Variants in TTC28 observed in about 807,000 individuals in gnomAD.
TTC28 encodes the protein tetratricopeptide repeat protein 28.
TTC28 carries 61 observed loss-of-function variants against 198.0 expected under a neutral mutation model. The observed-to-expected ratio is 0.31, with a 90% CI of 0.25 to 0.38. The LOEUF (loss-of-function observed/expected upper bound fraction) is 0.38. TTC28 is among the 10% of genes least tolerant of loss of function. The pLI is 1.00. For missense variants in TTC28, 2,678 were observed against 3,164.0 expected (o/e 0.85, Z 3.69); for synonymous variants, 1,171 against 1,297.8 (o/e 0.90, Z 2.10).
intron 2 of TTC28, among the ~76,000 whole-genome samples, chr22:28,357,315 A>AT (rs11415868): frequency 0.57 from 65,116 of 113,430 alleles, 19,733 homozygotes; most frequent in East Asian, 0.67. Context: ...CAAATTTCTT[A>AT]TTTTTTTTTT....
intron 18 of TTC28, 143 bp downstream of exon 18, chr22:27,993,144 G>A (rs1013986336): frequency 5.5e-6 from 4 of 725,220 alleles, no homozygotes; most frequent in South Asian, 1.9e-5. Flanking sequence ...GCTTGTATCT[G>A]GGACCCCCTG....
chr22:28,098,854 G>A, intron 10 of TTC28, 61 bp downstream of exon 10: 3 of 1,516,356 alleles, frequency 2.0e-6, no homozygotes, highest in Non-Finnish European at 2.7e-6. Flanking sequence ...TTGGACACAT[G>A]GACGCGCACC....
intron 2 of TTC28, among the ~76,000 whole-genome samples, chr22:28,322,936 T>C (rs775842488): frequency 1.4e-4 from 22 of 152,202 alleles, no homozygotes; most frequent in Admixed American, 2.6e-4. Context: ...TTCAAACTTA[T>C]GCTTCAGTCT....
At chr22:28,245,953 T>C (rs1320469538) in intron 5 of TTC28, among the ~76,000 whole-genome samples, 1 of 152,184 alleles carries the variant, frequency 6.6e-6, no homozygotes, top group Non-Finnish European at 1.5e-5. Context: ...TATTACTTCA[T>C]CTGAAATGCT....
intron 2 of TTC28, among the ~76,000 whole-genome samples, chr22:28,316,771 T>C (rs1033194950): frequency 6.6e-6 from 1 of 152,174 alleles, no homozygotes; most frequent in African/African-American, 2.4e-5. Context: ...TTTTGCATGC[T>C]ATTAATTTTT....
intron 2 of TTC28, among the ~76,000 whole-genome samples, chr22:28,437,440 T>C (rs941722181): frequency 6.6e-6 from 1 of 152,216 alleles, no homozygotes; most frequent in Non-Finnish European, 1.5e-5. Flanking sequence ...TTTTCCCATA[T>C]GCAGTCATTT....
chr22:28,296,641 G>C (rs949967234), intron 4 of TTC28, among the ~76,000 whole-genome samples: 6 of 152,126 alleles, frequency 3.9e-5, no homozygotes, highest in African/African-American at 1.4e-4. Flanking sequence ...TCATTGCCCT[G>C]CTAATGACCT....
chr22:28,437,307 T>C (rs867704693), intron 2 of TTC28, among the ~76,000 whole-genome samples: 25 of 152,304 alleles, frequency 1.6e-4, no homozygotes, highest in Middle Eastern at 3.4e-3. Flanking sequence ...GGTCTCGAAC[T>C]CTTAGCCTCA....
At chr22:28,262,254 A>G (rs1288643574) in intron 5 of TTC28, among the ~76,000 whole-genome samples, 2 of 152,184 alleles carry the variant, frequency 1.3e-5, no homozygotes, top group African/African-American at 2.4e-5. Context: ...CATTTGTCAC[A>G]TAAGAGTAGT....
In TTC28 at chr22:28,168,565, A is replaced by T. The variant is rs564550266; in HGVS notation, c.934-4966T>A. ...TTGACAAACCTGACAAAAACAAGAAATGGGGAAAGGATTCCCTATTTAATA... is the reference window on the plus strand; with the variant it reads ...TTGACAAACCTGACAAAAACAAGAATTGGGGAAAGGATTCCCTATTTAATA... On this transcript the variant is annotated intron_variant, in intron 5 of 22. Coordinates refer to ENST00000397906, the MANE Select transcript of TTC28 (RefSeq NM_001145418.2). 1.1e-4 allele frequency among the ~76,000 whole-genome samples: 17 copies of T among 152,316 alleles called. 1 individual carries two copies. The highest frequency in any genetic ancestry group is 3.9e-4 in the East Asian group (2 of 5,194).
intron 12 of TTC28, among the ~76,000 whole-genome samples, chr22:28,056,652 T>C (rs1337735248): frequency 6.6e-6 from 1 of 152,132 alleles, no homozygotes; most frequent in Non-Finnish European, 1.5e-5. Flanking sequence ...ATAAAAAATA[T>C]AAATAACTAC....
chr22:28,604,297 T>TATATATAGATATA (rs1053139903), intron 2 of TTC28, among the ~76,000 whole-genome samples: 1 of 114,142 alleles, frequency 8.8e-6, no homozygotes, highest in African/African-American at 3.5e-5. Context: ...AAAAAAAAAA[T>TATATATAGATATA]TATATATATA....
At chr22:28,374,241 A>ATG in intron 2 of TTC28, among the ~76,000 whole-genome samples, 1 of 152,368 alleles carries the variant, frequency 6.6e-6, no homozygotes, top group South Asian at 2.1e-4. Context: ...AAGAATTGCC[A>ATG]TTTAACAGTA....
chr22:28,410,097 T>C (rs560339669), intron 2 of TTC28, among the ~76,000 whole-genome samples: 4 of 152,212 alleles, frequency 2.6e-5, no homozygotes, highest in South Asian at 2.1e-4. Context: ...GATTTTTGTA[T>C]TTTTTGTAGA....
At chr22:28,285,194 A>G (rs1375379863) in intron 5 of TTC28, among the ~76,000 whole-genome samples, 1 of 152,230 alleles carries the variant, frequency 6.6e-6, no homozygotes, top group Non-Finnish European at 1.5e-5. Flanking sequence ...ATATATGTAC[A>G]ATGAAATATT....
intron 2 of TTC28, among the ~76,000 whole-genome samples, chr22:28,576,192 T>G (rs1374187216): frequency 6.6e-6 from 1 of 152,116 alleles, no homozygotes; most frequent in Non-Finnish European, 1.5e-5. Context: ...TTTAGTATTT[T>G]TATTATGAAG....
rs942702415 is a variant in TTC28 at position 28,163,313 on chromosome 22, C to T, written c.1220G>A (p.Arg407Gln). 60 of 1,551,944 alleles carry T rather than the reference C, an allele frequency of 3.9e-5. No homozygotes were observed. The highest frequency in any genetic ancestry group is 4.6e-5 in the Non-Finnish European group (53 of 1,147,072). The change falls in exon 6 of 23, where the codon CGG (arginine) becomes CAG (glutamine). Residue 407 changes from arginine (R) to glutamine (Q), a missense_variant. Arg to Gln is a conservative substitution (Grantham distance 43, BLOSUM62 1). Coordinates refer to ENST00000397906, the MANE Select transcript of TTC28 (RefSeq NM_001145418.2). ...AGACATGGCCTTGTCAAAGTTCCTC[C>T]GGTAGTGATAGGCACTGCCCAGGTT... ...YSNLGSAYHY[R>Q]RNFDKAMSYH...
intron 2 of TTC28, among the ~76,000 whole-genome samples, chr22:28,322,455 AGGGAGATCAT>A (rs1255228861): frequency 3.3e-5 from 5 of 152,188 alleles, no homozygotes; most frequent in African/African-American, 1.2e-4. Flanking sequence ...TCAATGACTC[AGGGAGATCAT>A]TATGATCATT....
chr22:28,365,222 A>G (rs978043254), intron 2 of TTC28, among the ~76,000 whole-genome samples: 1 of 152,240 alleles, frequency 6.6e-6, no homozygotes, highest in African/African-American at 2.4e-5. Flanking sequence ...TTTTAAAATT[A>G]AGGCATATAC....
Sources: allele counts gnomAD v4.1 joint callset (sites outside exome capture counted in the v4.1 genomes callset), GRCh38; gene constraint gnomAD v4.1.1; transcripts MANE v1.5; gene names NCBI Gene and HGNC (gene_info 2026-07-23, HGNC 2026-07-21).